Variants in IL21R observed in about 807,000 individuals in gnomAD.
IL21R encodes interleukin-21 receptor.
Under a neutral mutation model 41.3 loss-of-function variants are expected in IL21R, and 14 were observed. That is an observed-to-expected ratio of 0.34 (90% CI 0.22 to 0.53). The LOEUF is 0.53. Ranked by LOEUF, IL21R falls within the 20% of genes least tolerant of loss-of-function variation. The pLI is 0.94. For missense variants in IL21R, 588 were observed against 681.6 expected (o/e 0.86, Z 1.53); for synonymous variants, 286 against 287.6 (o/e 0.99, Z 0.05).
chr16:27,431,511 TAGTC>T (rs1215151335), intron 2 of IL21R, among the ~76,000 whole-genome samples: 1 of 152,210 alleles, frequency 6.6e-6, no homozygotes, highest in Non-Finnish European at 1.5e-5. Flanking sequence ...GGGTCTGTCT[TAGTC>T]TGTCTGTGCT....
intron 2 of IL21R, among the ~76,000 whole-genome samples, chr16:27,433,654 GA>G (rs1369513666): frequency 6.6e-6 from 1 of 152,164 alleles, no homozygotes; most frequent in African/African-American, 2.4e-5. Flanking sequence ...GAGCAGGATG[GA>G]AAGGTGTTAA....
chr16:27,420,736 T>G (rs994777081), intron 1 of IL21R, among the ~76,000 whole-genome samples: 1 of 152,232 alleles, frequency 6.6e-6, no homozygotes, highest in Non-Finnish European at 1.5e-5. Context: ...TTGCAAATGC[T>G]TTTTTTCCCA....
In IL21R at chr16:27,437,625, A is replaced by G. The variant is rs1193817393; in HGVS notation, c.290A>G (p.Asn97Ser). 1 of 1,614,234 alleles carries G rather than the reference A, an allele frequency of 6.2e-7. No homozygotes were observed. Among genetic ancestry groups the G allele is most frequent in the Admixed American group, 1.7e-5 (1 of 60,022 alleles). The change falls in exon 4 of 9, where the codon AAC (asparagine) becomes AGC (serine). Residue 97 changes from asparagine (N) to serine (S), a missense_variant. Coordinates refer to ENST00000337929, the MANE Select transcript of IL21R (RefSeq NM_181078.3). Reference sequence around the variant, plus strand: ...ATGGCCGACGACATTTTCAGTGTCAACATCACAGACCAGTCTGGCAACTAC... The same window carrying G: ...ATGGCCGACGACATTTTCAGTGTCAGCATCACAGACCAGTCTGGCAACTAC... The part of the protein sequence containing the change: ...HFMADDIFSV[N>S]ITDQSGNYSQ...
Position 27,444,718 on chromosome 16 carries a change from G to A in IL21R, c.684G>A (p.Glu228=). The change falls in exon 6 of 9, where the codon GAG becomes GAA. Residue 228 remains glutamate, a splice_region_variant and synonymous_variant. Coordinates refer to ENST00000337929, the MANE Select transcript of IL21R (RefSeq NM_181078.3). ...CGGTCATCTTTCAGACCCAGTCAGA[G>A]GGTAGGTGTGAAGCTGGGATGGACA... ...SDPVIFQTQS[E]ELKEGWNPHL... 1.3e-6 allele frequency: 2 copies of A among 1,491,782 alleles called. No homozygotes were observed. The allele number at this position is 1,491,782 out of a possible 1,614,324, so 92.4% of individuals were successfully genotyped here.
chr16:27,448,442 C>T (rs370200888), intron 8 of IL21R, 92 bp from the exon 9 acceptor site: 49 of 1,346,470 alleles, frequency 3.6e-5, no homozygotes, highest in East Asian at 3.2e-4. Flanking sequence ...GCAGCAGAGC[C>T]AGACTGTCTC....
At chr16:27,418,906 AAT>A (rs908964772) in intron 1 of IL21R, among the ~76,000 whole-genome samples, 53 of 65,102 alleles carry the variant, frequency 8.1e-4, no homozygotes, top group Non-Finnish European at 1.4e-3. Flanking sequence ...TACTTAAAAA[AAT>A]TTTTTTTTGT....
At chr16:27,427,324 C>A (rs1006226887) in intron 1 of IL21R, 20 of 985,464 alleles carry the variant, frequency 2.0e-5, no homozygotes, top group Non-Finnish European at 2.3e-5. Context: ...CAGCAGGTAC[C>A]CCCTCCACAT....
rs1372727504 is a variant in IL21R at position 27,450,028 on chromosome 16, C to T, written c.*745C>T. 3 of 232,616 alleles carry T rather than the reference C, an allele frequency of 1.3e-5. No homozygotes were observed. Among genetic ancestry groups the T allele is most frequent in the Non-Finnish European group, 2.5e-5 (3 of 117,658 alleles). 14.4% of individuals were successfully genotyped at this position (232,616 alleles called of 1,614,324 possible). On this transcript the variant is annotated 3_prime_UTR_variant, in exon 9 of 9. Transcript: ENST00000337929. ...GGAAATTGGCGATGTCACCCGTGTA[C>T]GGTACGCAGCCCAGAGCAGACCCTC...
intron 4 of IL21R, among the ~76,000 whole-genome samples, chr16:27,441,047 A>G (rs1445366433): frequency 3.3e-5 from 2 of 60,932 alleles, no homozygotes; most frequent in Non-Finnish European, 6.9e-5. Flanking sequence ...ATTCTGTCTC[A>G]AAAAAAAAAA....
chr16:27,448,916 C>T lies in IL21R; in HGVS notation c.1250C>T (p.Pro417Leu). ...GLEPSPGLED[P>L]LLDAGTTVLS... ...GAGCCCAGCCCAGGCCTAGAGGACC[C>T]ACTCTTGGATGCAGGGACCACAGTC... The change falls in exon 9 of 9, where the codon CCA (proline) becomes CTA (leucine). Residue 417 changes from proline (P) to leucine (L), a missense_variant. Pro to Leu is a moderately conservative substitution (Grantham distance 98). Coordinates refer to ENST00000337929, the MANE Select transcript of IL21R (RefSeq NM_181078.3). The T allele has an allele frequency of 6.2e-7, 1 of 1,612,396 alleles. No homozygotes were observed. Among genetic ancestry groups the T allele is most frequent in the Non-Finnish European group, 8.5e-7 (1 of 1,179,358 alleles).
At chr16:27,425,554 G>GA (rs1555496670) in intron 1 of IL21R, among the ~76,000 whole-genome samples, 1 of 148,632 alleles carries the variant, frequency 6.7e-6, no homozygotes, top group East Asian at 2.0e-4. Context: ...TTTGTGTTTT[G>GA]TTTTGTTTTT....
intron 3 of IL21R, among the ~76,000 whole-genome samples, chr16:27,435,781 T>C (rs962095869): frequency 7.3e-5 from 11 of 151,252 alleles, no homozygotes; most frequent in Admixed American, 2.0e-4. Context: ...TTCTTTCTTT[T>C]TTTTGGAGAC....
chr16:27,413,032 G>A (rs1351697542), intron 1 of IL21R, among the ~76,000 whole-genome samples: 6 of 152,248 alleles, frequency 3.9e-5, no homozygotes, highest in East Asian at 1.9e-4. Flanking sequence ...GGGCATCCAT[G>A]CCTTGTTCCT....
chr16:27,427,488 G>A (rs866519582), intron 1 of IL21R: 32 of 196,792 alleles, frequency 1.6e-4, no homozygotes, highest in African/African-American at 6.9e-4. Context: ...CTGGACCTCC[G>A]GCACTCAAGT....
chr16:27,431,559 TA>T (rs2087172126), intron 2 of IL21R, among the ~76,000 whole-genome samples: 1 of 152,178 alleles, frequency 6.6e-6, no homozygotes, highest in Admixed American at 6.5e-5. Flanking sequence ...GGGTAATTTA[TA>T]AATAATAGAC....
intron 4 of IL21R, among the ~76,000 whole-genome samples, chr16:27,439,825 G>T (rs1048129154): frequency 2.0e-5 from 3 of 152,132 alleles, no homozygotes. Context: ...CCCGCCGAGG[G>T]TCCCTTCCTC....
intron 1 of IL21R, among the ~76,000 whole-genome samples, chr16:27,417,595 T>TA (rs2086910567): frequency 6.6e-6 from 1 of 152,196 alleles, no homozygotes; most frequent in African/African-American, 2.4e-5. Flanking sequence ...GTGAACGTCA[T>TA]AGAGTGCACT....
At chr16:27,446,329 T>G (rs2087478638) in intron 8 of IL21R, among the ~76,000 whole-genome samples, 1 of 152,146 alleles carries the variant, frequency 6.6e-6, no homozygotes, top group South Asian at 2.1e-4. Flanking sequence ...ACATCTGCAA[T>G]CCCAGCACTT....
intron 2 of IL21R, among the ~76,000 whole-genome samples, chr16:27,431,038 G>A (rs2087162302): frequency 6.6e-6 from 1 of 152,148 alleles, no homozygotes; most frequent in Non-Finnish European, 1.5e-5. Context: ...AGGACTAAGA[G>A]ATCCTGGAGG....
Sources: allele counts gnomAD v4.1 joint callset (sites outside exome capture counted in the v4.1 genomes callset), GRCh38; gene constraint gnomAD v4.1.1; transcripts MANE v1.5; gene names NCBI Gene and HGNC (gene_info 2026-07-23, HGNC 2026-07-21).